PCDH15: variants seen among roughly 807,000 people sequenced by gnomAD.
PCDH15 encodes protocadherin related 15.
A neutral mutation model predicts 178.5 loss-of-function variants in PCDH15; 129 were observed. The observed-to-expected ratio is 0.72, with a 90% CI of 0.63 to 0.84. PCDH15 has a LOEUF of 0.84. Among genes scored for constraint, PCDH15 ranks in the 40% least tolerant of loss-of-function variants. PCDH15 has a pLI of 0.00. For synonymous variants in PCDH15, 800 were observed against 732.0 expected (o/e 1.09, Z -1.50); for missense variants, 2,230 against 2,099.9 (o/e 1.06, Z -1.21).
intron 3 of PCDH15, among the ~76,000 whole-genome samples, chr10:54,887,744 G>C (rs1288427666): frequency 1.6e-5 from 1 of 62,750 alleles, no homozygotes; most frequent in African/African-American, 5.3e-5. Flanking sequence ...TCATATACAA[G>C]AATAAAAGGC....
rs552690458 is a variant in PCDH15, at chr10:54,846,905, C to A, written c.-29+50545G>T. On this transcript the variant is annotated intron_variant, in intron 3 of 5. Coordinates refer to the PCDH15 transcript ENST00000458638. Reference sequence around the variant, plus strand: ...GCGGATGTTACACTGCATTTGAGTACGATATAAGGTACATATAATGCACGT... The same window carrying A: ...GCGGATGTTACACTGCATTTGAGTAAGATATAAGGTACATATAATGCACGT... 2.6e-5 allele frequency among the ~76,000 whole-genome samples: 4 copies of A among 152,188 alleles called. No individual in the cohort carries two copies. The South Asian group carries it at 6.2e-4, about 24-fold the overall frequency.
Position 55,504,304 on chromosome 10 carries a change from T to G in PCDH15, c.-156+123321A>C, listed in dbSNP as rs151299931. On this transcript the variant is annotated intron_variant, in intron 2 of 5. Transcript: ENST00000613346. The stretch of plus-strand genomic sequence containing the variant: ...CAGGTGTTACATGAGAAATCTCAAT[T>G]TTGCTATAAATCTAAAACTGCTCTA... Among the ~76,000 whole-genome samples, 1,246 of 151,558 alleles carry G rather than the reference T, an allele frequency of 8.2e-3. 17 individuals carry two copies. The highest frequency in any genetic ancestry group is 0.029 in the African/African-American group (1,188 of 41,444).
intron 5 of PCDH15, among the ~76,000 whole-genome samples, chr10:54,361,133 C>T (rs1419398724): frequency 2.0e-5 from 3 of 151,984 alleles, no homozygotes; most frequent in East Asian, 3.9e-4. Flanking sequence ...CATGTATATA[C>T]CAAAATCTGC....
At chr10:54,865,924 G>A (rs985069104) in intron 3 of PCDH15, among the ~76,000 whole-genome samples, 3 of 152,024 alleles carry the variant, frequency 2.0e-5, no homozygotes, top group African/African-American at 7.3e-5. Context: ...AAAGAATTTG[G>A]GCAGAACAAT....
intron 2 of PCDH15, among the ~76,000 whole-genome samples, chr10:55,430,731 T>C (rs1476776364): frequency 6.6e-6 from 1 of 152,198 alleles, no homozygotes; most frequent in Non-Finnish European, 1.5e-5. Flanking sequence ...ATTAATATTC[T>C]GCATACCTAA....
At chr10:54,041,614 G>T (rs2093547929) in intron 18 of PCDH15, among the ~76,000 whole-genome samples, 2 of 151,990 alleles carry the variant, frequency 1.3e-5, no homozygotes, top group African/African-American at 4.8e-5. Context: ...ACATTCTAAT[G>T]GGAAAGACAA....
chr10:53,890,019 A>G (rs1344808041), intron 26 of PCDH15, among the ~76,000 whole-genome samples: 1 of 152,212 alleles, frequency 6.6e-6, no homozygotes, highest in African/African-American at 2.4e-5. Context: ...GGCACTGGTT[A>G]CACTACCGTG....
At chr10:53,923,628 C>T (rs897711644) in intron 25 of PCDH15, among the ~76,000 whole-genome samples, 5 of 152,084 alleles carry the variant, frequency 3.3e-5, no homozygotes, top group African/African-American at 9.7e-5. Context: ...TGTTTTCTTC[C>T]ACATACAAGC....
At chr10:54,252,080 C>T (rs1387452911) in intron 8 of PCDH15, among the ~76,000 whole-genome samples, 3 of 152,116 alleles carry the variant, frequency 2.0e-5, no homozygotes, top group Non-Finnish European at 4.4e-5. Context: ...ACCTTGCTGA[C>T]TGCAAAGTTT....
rs150216609 is a variant in PCDH15, at chr10:54,494,561, G to A, written c.157+33251C>T. The stretch of plus-strand genomic sequence containing the variant: ...CAATTCTCCGGAGATTAGGTAGGCC[G>A]CAGAGTAAAACTTTCTCTGCTCTAT... On this transcript the variant is annotated intron_variant, in intron 3 of 37. Coordinates refer to ENST00000644397, the MANE Select transcript of PCDH15 (RefSeq NM_001384140.1). 2.7e-3 allele frequency among the ~76,000 whole-genome samples: 412 copies of A among 152,192 alleles called. 1 individual carries two copies. The highest frequency in any genetic ancestry group is 9.4e-3 in the African/African-American group (389 of 41,532).
intron 15 of PCDH15, among the ~76,000 whole-genome samples, chr10:54,093,067 A>G (rs2094627746): frequency 6.9e-6 from 1 of 143,888 alleles, no homozygotes; most frequent in Non-Finnish European, 1.5e-5. Flanking sequence ...CCTTTATGTA[A>G]GATGAGAACA....
intron 2 of PCDH15, among the ~76,000 whole-genome samples, chr10:55,529,741 G>GTGTATATA (rs1554881517): frequency 8.0e-5 from 5 of 62,770 alleles, no homozygotes; most frequent in African/African-American, 1.7e-4. Flanking sequence ...TTGTCTGTGA[G>GTGTATATA]TATATATATA....
chr10:54,633,353 T>C (rs1417855351), intron 2 of PCDH15, among the ~76,000 whole-genome samples: 1 of 152,126 alleles, frequency 6.6e-6, no homozygotes, highest in Admixed American at 6.6e-5. Flanking sequence ...TTTCCCTTCT[T>C]ATTTTCTAGT....
intron 26 of PCDH15, among the ~76,000 whole-genome samples, chr10:53,878,181 G>GCGCA (rs150931761): frequency 1.6e-5 from 2 of 124,926 alleles, no homozygotes; most frequent in African/African-American, 6.2e-5. Flanking sequence ...CTATACTATG[G>GCGCA]CACACACACA....
chr10:54,225,921 A>T (rs759771489), intron 9 of PCDH15, among the ~76,000 whole-genome samples: 1 of 152,222 alleles, frequency 6.6e-6, no homozygotes, highest in Non-Finnish European at 1.5e-5. Flanking sequence ...GGGAGATGTG[A>T]CAAGTGTACA....
intron 26 of PCDH15, among the ~76,000 whole-genome samples, chr10:53,878,215 A>AAT (rs140273411): frequency 0.063 from 7,989 of 126,890 alleles, 297 homozygotes; most frequent in African/African-American, 0.11. Flanking sequence ...ACACACTTTG[A>AAT]ATATATATAT....
chr10:53,885,098 G>GA (rs1323711316), intron 26 of PCDH15, among the ~76,000 whole-genome samples: 1 of 152,008 alleles, frequency 6.6e-6, no homozygotes, highest in Admixed American at 6.6e-5. Context: ...CATTTACTTT[G>GA]AAAAATGGCA....
chr10:54,274,044 C>T (rs1290637110), intron 8 of PCDH15, among the ~76,000 whole-genome samples: 2 of 151,956 alleles, frequency 1.3e-5, no homozygotes, highest in Non-Finnish European at 2.9e-5. Context: ...AAAAGAAGAC[C>T]AAACACTGCA....
intron 2 of PCDH15, among the ~76,000 whole-genome samples, chr10:55,569,167 A>G (rs762144449): frequency 6.6e-6 from 1 of 152,076 alleles, no homozygotes; most frequent in Non-Finnish European, 1.5e-5. Flanking sequence ...ACCTGGATCT[A>G]TAAGATATAC....
Sources: allele counts gnomAD v4.1 joint callset (sites outside exome capture counted in the v4.1 genomes callset), GRCh38; gene constraint gnomAD v4.1.1; transcripts MANE v1.5; gene names NCBI Gene and HGNC (gene_info 2026-07-23, HGNC 2026-07-21).